The following LOC730098 variants were observed in gnomAD, a reference collection of about 807,000 sequenced individuals.
chr9:34,665,387 G>A, the LOC730098 span: 10 of 524,224 alleles, frequency 1.9e-5, no homozygotes, highest in Admixed American at 2.3e-4. Flanking sequence ...CAGAGAGAGG[G>A]CAGAGCCGGG....
the LOC730098 span, chr9:34,665,984 G>A: frequency 1.1e-5 from 5 of 443,190 alleles, no homozygotes; most frequent in East Asian, 4.4e-5. Flanking sequence ...TCACCTGGAG[G>A]GGGGGCTGAG....
At chr9:34,665,645 C>T in the LOC730098 span, 1 of 701,236 alleles carries the variant, frequency 1.4e-6, no homozygotes. Context: ...CCTCGTATCT[C>T]CTCATTCCCG....
At chr9:34,665,445 G>C in the LOC730098 span, 1 of 691,228 alleles carries the variant, frequency 1.4e-6, no homozygotes, top group Non-Finnish European at 2.6e-6. Flanking sequence ...ACTCCGCCCC[G>C]CGGTGCCTCG....
the LOC730098 span, chr9:34,664,163 T>G: frequency 3.9e-5 from 6 of 152,282 alleles, no homozygotes; most frequent in Non-Finnish European, 8.8e-5. Context: ...TCATAGACCT[T>G]CTTCATCACT....
At chr9:34,665,587 C>A in the LOC730098 span, 2 of 700,262 alleles carry the variant, frequency 2.9e-6, no homozygotes, top group South Asian at 3.0e-5. Flanking sequence ...CCTGGTTCCT[C>A]CTCCGCAGAA....
At chr9:34,665,796 C>T in the LOC730098 span, 1 of 637,854 alleles carries the variant, frequency 1.6e-6, no homozygotes, top group Non-Finnish European at 2.8e-6. Context: ...CCCCGAGAAG[C>T]CTCAGTTGCC....
the LOC730098 span, chr9:34,664,994 G>A: frequency 3.6e-6 from 2 of 555,018 alleles, no homozygotes; most frequent in South Asian, 4.8e-5. Context: ...AATGGCGACA[G>A]CGGCGGCAGA....
At chr9:34,665,918 G>T in the LOC730098 span, 41 of 564,832 alleles carry the variant, frequency 7.3e-5, no homozygotes, top group Non-Finnish European at 1.1e-4. Context: ...GAGAGGTTTG[G>T]CGGTCATGGG....
chr9:34,665,139 G>A, the LOC730098 span: 1 of 616,070 alleles, frequency 1.6e-6, no homozygotes, highest in Admixed American at 2.8e-5. Flanking sequence ...TGGACAGACA[G>A]CTCATCAGGC....
At chr9:34,665,109 G>A in the LOC730098 span, 1 of 600,726 alleles carries the variant, frequency 1.7e-6, no homozygotes, top group Non-Finnish European at 3.0e-6. Context: ...CCGAGCGCTG[G>A]GGAGTAGGAC....
chr9:34,665,991 T>TGA, the LOC730098 span: 2 of 421,586 alleles, frequency 4.7e-6, no homozygotes, highest in South Asian at 5.3e-5. Context: ...GAGGGGGGGC[T>TGA]GAGAGGGGTC....
chr9:34,665,967 G>T, the LOC730098 span: 4 of 481,052 alleles, frequency 8.3e-6, no homozygotes, highest in Non-Finnish European at 1.5e-5. Context: ...ATTTTCAGGG[G>T]CTGGGGTCAC....
chr9:34,665,275 C>A, the LOC730098 span: 9 of 702,016 alleles, frequency 1.3e-5, no homozygotes, highest in South Asian at 7.4e-5. Flanking sequence ...GAGTCCCGTC[C>A]ATGCCCGGGG....
the LOC730098 span, chr9:34,664,417 A>G: frequency 1.3e-5 from 2 of 152,236 alleles, no homozygotes; most frequent in African/African-American, 4.8e-5. Flanking sequence ...GCAGGCCCAC[A>G]TAGCAGTCCC....
chr9:34,665,012 G>T, the LOC730098 span: 1 of 582,340 alleles, frequency 1.7e-6, no homozygotes, highest in Non-Finnish European at 3.0e-6. Context: ...AGAGTCAGGA[G>T]GTCAGTACGG....
At chr9:34,665,824 G>C in the LOC730098 span, 1 of 612,222 alleles carries the variant, frequency 1.6e-6, no homozygotes, top group Non-Finnish European at 2.9e-6. Context: ...GACAGGGTGG[G>C]CTTGGAGATT....
the LOC730098 span, chr9:34,665,647 T>C: frequency 5.7e-6 from 4 of 700,104 alleles, no homozygotes; most frequent in African/African-American, 1.8e-5. Context: ...TCGTATCTCC[T>C]CATTCCCGAC....
At chr9:34,665,169 C>G in the LOC730098 span, 1 of 632,860 alleles carries the variant, frequency 1.6e-6, no homozygotes, top group Non-Finnish European at 2.8e-6. Flanking sequence ...GCTCCAGCTT[C>G]TGCTCCCCGG....
At chr9:34,665,712 C>G in the LOC730098 span, 1 of 700,540 alleles carries the variant, frequency 1.4e-6, no homozygotes, top group South Asian at 1.5e-5. Context: ...TCAGGGATTC[C>G]CTAGCCCCAG....
Sources: allele counts gnomAD v4.1 joint callset, GRCh38; gene constraint gnomAD v4.1.1; transcripts MANE v1.5.